ANKRD13C: variants seen among roughly 807,000 people sequenced by gnomAD.
ANKRD13C encodes the protein ankyrin repeat domain 13C.
Under a neutral mutation model 65.5 loss-of-function variants are expected in ANKRD13C, and 16 were observed. The observed-to-expected ratio is 0.24, with a 90% CI of 0.17 to 0.37. The LOEUF is 0.37. Among genes scored for constraint, ANKRD13C ranks in the 10% least tolerant of loss-of-function variants. ANKRD13C has a pLI of 1.00. For synonymous variants in ANKRD13C, 235 were observed against 238.7 expected, an observed-to-expected ratio of 0.98 and a Z score of 0.14; for missense variants, 503 against 655.9, an observed-to-expected ratio of 0.77 and a Z score of 2.55.
chr1:70,315,113 C>T (rs554130005), intron 4 of ANKRD13C, among the ~76,000 whole-genome samples: 3 of 152,008 alleles, frequency 2.0e-5, no homozygotes, highest in African/African-American at 4.8e-5. Context: ...CAGAGTGAGG[C>T]GCTGTCTCCA....
chr1:70,272,955 T>C (rs1223974128), intron 11 of ANKRD13C, among the ~76,000 whole-genome samples: 1 of 151,740 alleles, frequency 6.6e-6, no homozygotes, highest in Non-Finnish European at 1.5e-5. Context: ...GCCACTGCAC[T>C]CCAGCCTTGG....
chr1:70,310,748 A>G (rs1157729571), intron 5 of ANKRD13C, among the ~76,000 whole-genome samples: 1 of 152,236 alleles, frequency 6.6e-6, no homozygotes, highest in Non-Finnish European at 1.5e-5. Flanking sequence ...ATCAGTTAAA[A>G]AGCCAAAATA....
chr1:70,334,526 C>T (rs562782077), intron 2 of ANKRD13C, among the ~76,000 whole-genome samples: 20 of 152,130 alleles, frequency 1.3e-4, no homozygotes, highest in African/African-American at 4.8e-4. Context: ...ACCCTGAAGG[C>T]TGAGACAGGA....
chr1:70,303,133 A>AT (rs1217738823), intron 6 of ANKRD13C, among the ~76,000 whole-genome samples: 2 of 152,186 alleles, frequency 1.3e-5, no homozygotes, highest in African/African-American at 4.8e-5. Flanking sequence ...AATACAGCCT[A>AT]TTTTTATTTC....
intron 6 of ANKRD13C, among the ~76,000 whole-genome samples, chr1:70,305,184 C>T (rs1408316849): frequency 6.6e-6 from 1 of 152,024 alleles, no homozygotes; most frequent in Admixed American, 6.6e-5. Flanking sequence ...GGATAATTAC[C>T]CTAGAATTTA....
chr1:70,311,666 G>A (rs1680855928), intron 5 of ANKRD13C, among the ~76,000 whole-genome samples: 1 of 152,056 alleles, frequency 6.6e-6, no homozygotes, highest in Non-Finnish European at 1.5e-5. Context: ...TGGTAACAGG[G>A]AAACTTAAAA....
chr1:70,276,656 T>A, intron 10 of ANKRD13C, 109 bp downstream of exon 10: 1 of 905,114 alleles, frequency 1.1e-6, no homozygotes, highest in Non-Finnish European at 1.7e-6. Context: ...GTCAAAAATA[T>A]ACCAATAATT....
rs1206778274 is a variant in ANKRD13C at position 70,262,782 on chromosome 1, C to G, written c.1561G>C (p.Asp521His). The stretch of plus-strand genomic sequence containing the variant: ...TCAGGTATAGTAAAGATGGAGCCAT[C>G]AAATTCATCGTATCGAAACTCCTGA... ...TFQEFRYDEFDGSIFTIPDDY... is the reference protein window; with the variant it reads ...TFQEFRYDEFHGSIFTIPDDY... Residue 521 changes from aspartate (D) to histidine (H), a missense_variant, in exon 13 of 13, where the codon GAT becomes CAT. This residue lies in a region of ANKRD13C where 300 missense variants were observed against 478.3 expected (regional missense o/e 0.63). Coordinates refer to ENST00000370944, the MANE Select transcript of ANKRD13C (RefSeq NM_030816.5). 6.2e-7 allele frequency: 1 copy of G among 1,613,418 alleles called. No individual in the cohort carries two copies.
intron 12 of ANKRD13C, among the ~76,000 whole-genome samples, chr1:70,265,799 T>G (rs1678590528): frequency 1.6e-5 from 2 of 126,078 alleles, no homozygotes; most frequent in Admixed American, 9.8e-5. Flanking sequence ...CATTCTAGCC[T>G]GTGCAACAGT....
In ANKRD13C at chr1:70,275,402, T is replaced by G. The variant is rs75049109; in HGVS notation, c.1296-584A>C. Reference sequence around the variant, plus strand: ...ACTGAAAAGGCTGAAGTGGAAACGGTGGGGAAAAAAGGTGATCTGGTTATT... The same window carrying G: ...ACTGAAAAGGCTGAAGTGGAAACGGGGGGGAAAAAAGGTGATCTGGTTATT... On this transcript the variant is annotated intron_variant, in intron 10 of 12. Transcript: ENST00000370944. Among the ~76,000 whole-genome samples the G allele has an allele frequency of 3.4e-3, 511 of 151,982 alleles. 6 individuals carry two copies. Among genetic ancestry groups the G allele is most frequent in the African/African-American group, 0.012 (490 of 41,444 alleles).
At chr1:70,303,437 T>C (rs958380560) in intron 6 of ANKRD13C, among the ~76,000 whole-genome samples, 1 of 152,070 alleles carries the variant, frequency 6.6e-6, no homozygotes, top group Non-Finnish European at 1.5e-5. Flanking sequence ...CAAATAACAC[T>C]GAAAAAAGGA....
chr1:70,267,972 T>C (rs1268946806), intron 12 of ANKRD13C, among the ~76,000 whole-genome samples: 1 of 152,214 alleles, frequency 6.6e-6, no homozygotes, highest in Non-Finnish European at 1.5e-5. Context: ...AAAAGTAGGC[T>C]TTCAAATAGC....
intron 2 of ANKRD13C, among the ~76,000 whole-genome samples, chr1:70,331,845 G>GC (rs914762791): frequency 7.8e-6 from 1 of 128,752 alleles, no homozygotes; most frequent in Non-Finnish European, 1.7e-5. Context: ...AAAAAAAAAG[G>GC]AACACTAAGT....
At chr1:70,265,745 A>G (rs994613956) in intron 12 of ANKRD13C, among the ~76,000 whole-genome samples, 1 of 141,528 alleles carries the variant, frequency 7.1e-6, no homozygotes, top group Non-Finnish European at 1.5e-5. Context: ...GGATGGCTTG[A>G]GACTGGTAAG....
chr1:70,346,168 C>T (rs1415943617), intron 1 of ANKRD13C, among the ~76,000 whole-genome samples: 3 of 151,798 alleles, frequency 2.0e-5, no homozygotes, highest in Non-Finnish European at 4.4e-5. Flanking sequence ...CCTTATTTAC[C>T]CAGTCAGTAT....
intron 1 of ANKRD13C, among the ~76,000 whole-genome samples, chr1:70,336,787 G>C (rs1443194240): frequency 6.6e-6 from 1 of 152,060 alleles, no homozygotes; most frequent in Non-Finnish European, 1.5e-5. Flanking sequence ...AGAAGTTATA[G>C]AAAACAGTAA....
At chr1:70,315,674 C>T in intron 3 of ANKRD13C, 108 bp from the exon 4 acceptor site, 6 of 795,344 alleles carry the variant, frequency 7.5e-6, no homozygotes, top group East Asian at 2.8e-5. Context: ...CATATATGCA[C>T]GTGCATGTAT....
chr1:70,307,176 T>C (rs1680623194), intron 5 of ANKRD13C, among the ~76,000 whole-genome samples: 2 of 152,086 alleles, frequency 1.3e-5, no homozygotes, highest in Admixed American at 6.6e-5. Context: ...CTAGAGAAAA[T>C]TAAAGGCTAA....
chr1:70,276,722 C>T (rs753635926), intron 10 of ANKRD13C, 43 bp downstream of exon 10: 2 of 1,435,910 alleles, frequency 1.4e-6, no homozygotes, highest in South Asian at 1.3e-5. Flanking sequence ...ACAAATTATT[C>T]TTTCTAAAAA....
Sources: allele counts gnomAD v4.1 joint callset (sites outside exome capture counted in the v4.1 genomes callset), GRCh38; gene constraint gnomAD v4.1.1; regional missense constraint gnomAD v4.1.1; transcripts MANE v1.5; gene names NCBI Gene and HGNC (gene_info 2026-07-23, HGNC 2026-07-21).